PDE11A: variants seen among roughly 807,000 people sequenced by gnomAD.
PDE11A encodes dual 3',5'-cyclic-AMP and -GMP phosphodiesterase 11A.
Under a neutral mutation model 100.5 loss-of-function variants are expected in PDE11A, and 100 were observed. The ratio of observed to expected loss-of-function variants is 1.00; its 90% CI spans 0.85 to 1.18. The LOEUF (loss-of-function observed/expected upper bound fraction) is 1.18. PDE11A is among the 50% of genes most tolerant of loss of function. The pLI is 0.00. For synonymous variants in PDE11A, 381 were observed against 420.8 expected (o/e 0.91, Z 1.16); for missense variants, 1,141 against 1,152.6 (o/e 0.99, Z 0.15).
At chr2:177,691,412 C>T (rs1468207659) in intron 15 of PDE11A, among the ~76,000 whole-genome samples, 1 of 152,188 alleles carries the variant, frequency 6.6e-6, no homozygotes, top group Non-Finnish European at 1.5e-5. Flanking sequence ...AGCTGAATTG[C>T]TAACACTTAG....
intron 2 of PDE11A, among the ~76,000 whole-genome samples, chr2:177,940,850 T>C (rs1018429580): frequency 1.3e-5 from 2 of 152,198 alleles, no homozygotes; most frequent in East Asian, 1.9e-4. Flanking sequence ...GAAGAAATGG[T>C]GCTTCATGAT....
chr2:177,818,952 G>A (rs955400552), intron 7 of PDE11A, among the ~76,000 whole-genome samples: 9 of 118,052 alleles, frequency 7.6e-5, no homozygotes, highest in African/African-American at 2.6e-4. Flanking sequence ...TATGCAAGAA[G>A]ACATATATAT....
chr2:177,855,903 AACACACACACACACACACACAC>A (rs57202805), intron 5 of PDE11A, among the ~76,000 whole-genome samples: 7 of 139,574 alleles, frequency 5.0e-5, no homozygotes, highest in Admixed American at 1.4e-4. Flanking sequence ...GAACGTATGC[AACACACACACACACACACACAC>A]ACACACACAC....
At chr2:178,061,070 A>G (rs1192054622) in intron 1 of PDE11A, among the ~76,000 whole-genome samples, 1 of 150,916 alleles carries the variant, frequency 6.6e-6, no homozygotes, top group Non-Finnish European at 1.5e-5. Flanking sequence ...CAGCCTCCCA[A>G]GTAGCTGGGA....
intron 9 of PDE11A, among the ~76,000 whole-genome samples, chr2:177,781,512 T>G (rs79430685): frequency 0.33 from 49,532 of 151,716 alleles, 8,442 homozygotes; most frequent in East Asian, 0.37. Flanking sequence ...TTCTTTTTTT[T>G]TTTTTTGAGA....
rs190621757 is a variant in PDE11A at position 177,930,165 on chromosome 2, G to T, written c.1072-24978C>A. On this transcript the variant is annotated intron_variant, in intron 2 of 19. Transcript: ENST00000286063. ...CTCACAATATCATTATATTTGTGCT[G>T]CTATTCATAAAGTGACTAGTGTTTC... is the stretch of plus-strand genomic sequence containing the variant. Among the ~76,000 whole-genome samples the T allele has an allele frequency of 8.2e-4, 125 of 152,298 alleles. 1 individual carries two copies. Among genetic ancestry groups the T allele is most frequent in the African/African-American group, 3.0e-3 (123 of 41,558 alleles).
chr2:177,903,969 C>T (rs1353743505), intron 3 of PDE11A, among the ~76,000 whole-genome samples: 1 of 152,120 alleles, frequency 6.6e-6, no homozygotes, highest in Admixed American at 6.6e-5. Flanking sequence ...TGCTAAAGAC[C>T]ATGGCTATAT....
intron 5 of PDE11A, among the ~76,000 whole-genome samples, chr2:177,841,542 G>A (rs576144243): frequency 3.3e-5 from 5 of 152,278 alleles, no homozygotes; most frequent in African/African-American, 1.2e-4. Flanking sequence ...ATGTCCCTGT[G>A]TAAAATTATG....
At chr2:177,967,862 T>C (rs1394779678) in intron 2 of PDE11A, among the ~76,000 whole-genome samples, 2 of 152,230 alleles carry the variant, frequency 1.3e-5, no homozygotes, top group Non-Finnish European at 2.9e-5. Flanking sequence ...ATTATTGCCA[T>C]ATTAGATGTA....
intron 2 of PDE11A, among the ~76,000 whole-genome samples, chr2:178,002,849 T>C (rs891138198): frequency 1.3e-5 from 2 of 152,210 alleles, no homozygotes; most frequent in Non-Finnish European, 2.9e-5. Flanking sequence ...CATATACTGC[T>C]ACTGGCATTA....
At chr2:177,691,510 A>T (rs2081040455) in intron 15 of PDE11A, among the ~76,000 whole-genome samples, 1 of 152,134 alleles carries the variant, frequency 6.6e-6, no homozygotes, top group Non-Finnish European at 1.5e-5. Flanking sequence ...TGTTTCCTGG[A>T]TTGGCCCCAG....
At chr2:177,723,068 G>C (rs1252234924) in intron 12 of PDE11A, 1 of 151,986 alleles carries the variant, frequency 6.6e-6, no homozygotes, top group Non-Finnish European at 1.5e-5. Flanking sequence ...AATTTCAATT[G>C]GTTCTGTATT....
At chr2:177,816,670 T>C (rs1236270086) in intron 9 of PDE11A, among the ~76,000 whole-genome samples, 159 bp downstream of exon 9, 1 of 152,162 alleles carries the variant, frequency 6.6e-6, no homozygotes, top group African/African-American at 2.4e-5. Flanking sequence ...CAACATTGTG[T>C]TTCTCTGGAC....
chr2:177,636,802 G>A (rs774952117), intron 19 of PDE11A, among the ~76,000 whole-genome samples: 1 of 152,162 alleles, frequency 6.6e-6, no homozygotes, highest in African/African-American at 2.4e-5. Context: ...CACCAAAAAT[G>A]TCTCCAGATA....
At chr2:177,948,428 A>G (rs1016806871) in intron 2 of PDE11A, among the ~76,000 whole-genome samples, 1 of 152,194 alleles carries the variant, frequency 6.6e-6, no homozygotes, top group Non-Finnish European at 1.5e-5. Context: ...CAATATATAA[A>G]AGCTCCATCC....
At chr2:177,752,940 A>G (rs1267897844) in intron 10 of PDE11A, among the ~76,000 whole-genome samples, 1 of 152,234 alleles carries the variant, frequency 6.6e-6, no homozygotes, top group Non-Finnish European at 1.5e-5. Flanking sequence ...TGTTAGTTAT[A>G]GTTAATTTCC....
chr2:177,736,970 G>A (rs1454908317), intron 10 of PDE11A, among the ~76,000 whole-genome samples: 1 of 152,182 alleles, frequency 6.6e-6, no homozygotes, highest in African/African-American at 2.4e-5. Flanking sequence ...GCTGGGTGCG[G>A]TGGCTCACAC....
intron 3 of PDE11A, among the ~76,000 whole-genome samples, chr2:177,899,751 T>C (rs2084669330): frequency 6.7e-6 from 1 of 148,560 alleles, no homozygotes; most frequent in Admixed American, 6.7e-5. Flanking sequence ...ATATATAAAA[T>C]ATATATACCC....
chr2:177,701,699 T>C (rs182664320), intron 13 of PDE11A, among the ~76,000 whole-genome samples: 5 of 152,342 alleles, frequency 3.3e-5, no homozygotes, highest in African/African-American at 1.2e-4. Flanking sequence ...AACAACTGTC[T>C]TATACAAAAC....
Sources: allele counts gnomAD v4.1 joint callset (sites outside exome capture counted in the v4.1 genomes callset), GRCh38; gene constraint gnomAD v4.1.1; transcripts MANE v1.5; gene names NCBI Gene and HGNC (gene_info 2026-07-23, HGNC 2026-07-21).